CDYL2: variants seen among roughly 807,000 people sequenced by gnomAD.
The protein encoded by CDYL2 is chromodomain Y-like protein 2.
In CDYL2, 23 loss-of-function variants were observed where a neutral mutation model predicts 49.4. The observed-to-expected ratio is 0.47, with a 90% CI of 0.34 to 0.66. The LOEUF (loss-of-function observed/expected upper bound fraction) is 0.66. CDYL2 is among the 30% of genes least tolerant of loss of function. CDYL2 has a pLI of 0.01. For synonymous variants in CDYL2, 360 were observed against 268.8 expected (o/e 1.34, Z -3.32); for missense variants, 678 against 656.4 (o/e 1.03, Z -0.36).
intron 1 of CDYL2, among the ~76,000 whole-genome samples, chr16:80,795,950 T>G (rs1310898686): frequency 6.6e-6 from 1 of 152,192 alleles, no homozygotes; most frequent in Non-Finnish European, 1.5e-5. Flanking sequence ...TTCAAAAGAT[T>G]AAAAGCTTTG....
chr16:80,741,150 T>C lies in CDYL2; in HGVS notation c.25-56021A>G, dbSNP rs149652238. 1.7e-3 allele frequency among the ~76,000 whole-genome samples: 260 copies of C among 149,896 alleles called. 5 individuals carry two copies. In the East Asian group the frequency reaches 0.042, roughly 24 times the overall value. On this transcript the variant is annotated intron_variant, in intron 1 of 6. Transcript: ENST00000570137. ...AAATTGCATAAAAAGCCCAGAAACA[T>C]ATATATACATAATATATATATAACA...
At chr16:80,739,201 A>C (rs1905647160) in intron 1 of CDYL2, among the ~76,000 whole-genome samples, 1 of 152,194 alleles carries the variant, frequency 6.6e-6, no homozygotes, top group African/African-American at 2.4e-5. Flanking sequence ...AGAGTATTTT[A>C]TTTCATAGAG....
At chr16:80,678,239 A>G (rs941843809) in intron 2 of CDYL2, among the ~76,000 whole-genome samples, 3 of 152,264 alleles carry the variant, frequency 2.0e-5, no homozygotes, top group African/African-American at 7.2e-5. Flanking sequence ...AGCAATGGCA[A>G]CAAAAGCCAA....
chr16:80,604,591 C>G (rs1226770826), intron 6 of CDYL2, 45 bp from the exon 7 acceptor site: 2 of 1,607,744 alleles, frequency 1.2e-6, no homozygotes, highest in East Asian at 2.2e-5. Flanking sequence ...ACCAGGGACT[C>G]TGCTCCAGAA....
At chr16:80,780,978 A>G (rs1427283480) in intron 1 of CDYL2, among the ~76,000 whole-genome samples, 2 of 152,206 alleles carry the variant, frequency 1.3e-5, no homozygotes, top group South Asian at 2.1e-4. Flanking sequence ...TGATGTCTTA[A>G]CTTACCCTAT....
At chr16:80,626,275 TAAAAAAAAAAAAAAA>T in intron 3 of CDYL2, among the ~76,000 whole-genome samples, 1 of 92,298 alleles carries the variant, frequency 1.1e-5, no homozygotes, top group Non-Finnish European at 2.2e-5. Context: ...AAATCCCATC[TAAAAAAAAAAAAAAA>T]AAAAAAGGAA....
At chr16:80,613,034 G>A (rs1906672408) in intron 4 of CDYL2, among the ~76,000 whole-genome samples, 198 bp from the exon 5 acceptor site, 1 of 152,116 alleles carries the variant, frequency 6.6e-6, no homozygotes, top group East Asian at 1.9e-4. Flanking sequence ...GTCACTGCAT[G>A]TCCTGGTTTG....
At chr16:80,777,101 C>G (rs1043954130) in intron 1 of CDYL2, among the ~76,000 whole-genome samples, 1 of 152,024 alleles carries the variant, frequency 6.6e-6, no homozygotes, top group Admixed American at 6.6e-5. Context: ...GGATTACAGG[C>G]GTGAGTCACC....
chr16:80,669,006 A>G (rs1416970106), intron 2 of CDYL2, among the ~76,000 whole-genome samples: 1 of 152,004 alleles, frequency 6.6e-6, no homozygotes, highest in Non-Finnish European at 1.5e-5. Context: ...AAACAAAAAG[A>G]GAAGAGAGGA....
chr16:80,694,893 C>T (rs1018002757), intron 1 of CDYL2, among the ~76,000 whole-genome samples: 10 of 152,118 alleles, frequency 6.6e-5, no homozygotes, highest in East Asian at 1.9e-4. Context: ...CCCACAATGA[C>T]GGGAATATAT....
chr16:80,754,468 A>G (rs1337525689), intron 1 of CDYL2, among the ~76,000 whole-genome samples: 1 of 152,158 alleles, frequency 6.6e-6, no homozygotes, highest in Non-Finnish European at 1.5e-5. Context: ...AACTTTCCGG[A>G]GTTTGGAAAA....
intron 1 of CDYL2, among the ~76,000 whole-genome samples, chr16:80,762,220 C>T (rs188613616): frequency 1.3e-5 from 2 of 152,134 alleles, no homozygotes; most frequent in African/African-American, 2.4e-5. Flanking sequence ...ACAAAGGCTA[C>T]ATCTATTGTC....
intron 1 of CDYL2, among the ~76,000 whole-genome samples, chr16:80,716,304 T>C (rs1904796587): frequency 6.6e-6 from 1 of 152,330 alleles, no homozygotes; most frequent in South Asian, 2.1e-4. Flanking sequence ...TTAATGTGTA[T>C]CACAAGAGCA....
rs752610896 is a variant in CDYL2 at position 80,603,971 on chromosome 16, G to A, written c.*417C>T. 6.4e-5 allele frequency: 11 copies of A among 172,606 alleles called. No individual in the cohort carries two copies. Among genetic ancestry groups the A allele is most frequent in the Non-Finnish European group, 1.0e-4 (8 of 79,534 alleles). 10.7% of individuals were successfully genotyped at this position (172,606 alleles called of 1,614,324 possible). ...TAAGATTGGTCGTCCTCTGACACCC[G>A]ATCTAAATACAACCAGAGAGAGCCA... On this transcript the variant is annotated 3_prime_UTR_variant, in exon 7 of 7. Coordinates refer to ENST00000570137, the MANE Select transcript of CDYL2 (RefSeq NM_152342.4).
chr16:80,790,215 A>T (rs570809373), intron 1 of CDYL2, among the ~76,000 whole-genome samples: 1 of 152,214 alleles, frequency 6.6e-6, no homozygotes, highest in African/African-American at 2.4e-5. Context: ...TTAAGTCAAT[A>T]ACCTAACAGG....
At chr16:80,614,869 GAA>G (rs57112645) in intron 4 of CDYL2, among the ~76,000 whole-genome samples, 11,005 of 71,296 alleles carry the variant, frequency 0.15, 1,540 homozygotes, top group African/African-American at 0.39. Flanking sequence ...GTCTCAGGGA[GAA>G]AAAAAAAAAA....
intron 3 of CDYL2, chr16:80,628,450 C>A (rs1174622266): frequency 6.6e-6 from 1 of 152,246 alleles, no homozygotes; most frequent in Non-Finnish European, 1.5e-5. Flanking sequence ...TGGCAGGAAA[C>A]AGATGCATCC....
intron 4 of CDYL2, among the ~76,000 whole-genome samples, chr16:80,619,330 G>A (rs1017746939): frequency 6.6e-6 from 1 of 152,154 alleles, no homozygotes; most frequent in Non-Finnish European, 1.5e-5. Context: ...ATCTTTTGGG[G>A]GCCACACTTC....
chr16:80,617,518 A>C (rs529861991), intron 4 of CDYL2, among the ~76,000 whole-genome samples: 1 of 152,308 alleles, frequency 6.6e-6, no homozygotes, highest in East Asian at 1.9e-4. Flanking sequence ...GGAAATCCAC[A>C]AAACGTTCTG....
Sources: gnomAD v4.1 joint callset for allele counts (sites outside exome capture counted in the v4.1 genomes callset) on GRCh38, gnomAD v4.1.1 for gene constraint, MANE v1.5 for transcripts, NCBI Gene and HGNC (gene_info 2026-07-23, HGNC 2026-07-21) for gene names.